NYAP2: variants seen among roughly 807,000 people sequenced by gnomAD.
The protein encoded by NYAP2 is neuronal tyrosine-phosphorylated phosphoinositide-3-kinase adaptor 2.
In NYAP2, 23 loss-of-function variants were observed where a neutral mutation model predicts 50.4. The ratio of observed to expected loss-of-function variants is 0.46; its 90% CI spans 0.33 to 0.65. NYAP2 has a LOEUF of 0.65. Among genes scored for constraint, NYAP2 ranks in the 30% least tolerant of loss-of-function variants. The pLI is 0.02. For missense variants in NYAP2, 885 were observed against 861.0 expected, an observed-to-expected ratio of 1.03 and a Z score of -0.35; for synonymous variants, 394 against 365.2, an observed-to-expected ratio of 1.08 and a Z score of -0.90.
intron 6 of NYAP2, among the ~76,000 whole-genome samples, chr2:225,633,859 C>T (rs768157090): frequency 5.3e-5 from 8 of 152,186 alleles, no homozygotes; most frequent in Non-Finnish European, 1.0e-4. Context: ...TAATTCACTT[C>T]TTTTAGCTGG....
the NYAP2 span, among the ~76,000 whole-genome samples, chr2:225,677,923 C>A: frequency 1.6e-4 from 25 of 152,020 alleles, no homozygotes; most frequent in Non-Finnish European, 2.5e-4. Context: ...ATGAGGCTGA[C>A]TTTTTAGAAT....
At chr2:225,569,509 A>G (rs900998755) in intron 4 of NYAP2, among the ~76,000 whole-genome samples, 1 of 152,148 alleles carries the variant, frequency 6.6e-6, no homozygotes, top group African/African-American at 2.4e-5. Flanking sequence ...ATTTTGGGCT[A>G]TTGACTTCCA....
intron 6 of NYAP2, among the ~76,000 whole-genome samples, chr2:225,647,089 T>C (rs1693648132): frequency 6.6e-6 from 1 of 152,144 alleles, no homozygotes; most frequent in Admixed American, 6.5e-5. Context: ...GATGATAATA[T>C]CTTCAACATA....
exon 6 of NYAP2, chr2:225,626,994 C>G (rs1380210056): frequency 1.9e-6 from 3 of 1,588,778 alleles, no homozygotes; most frequent in Non-Finnish European, 2.6e-6. Flanking sequence ...AAGAGGCCAC[C>G]ATGGGGCGTC....
In NYAP2 at chr2:225,433,816, CAAAAAAAAAAAA is replaced by C. The variant is rs35886164; in HGVS notation, c.221+24728_221+24739del. Among the ~76,000 whole-genome samples the C allele has an allele frequency of 6.5e-3, 406 of 62,522 alleles. 5 individuals carry two copies. Among genetic ancestry groups the C allele is most frequent in the African/African-American group, 0.028 (377 of 13,442 alleles). The allele number at this position is 62,522 out of a possible 152,430, so 41.0% of individuals were successfully genotyped here. ...TGGGCGACAGAGCGAGACTCCGTCT[CAAAAAAAAAAAA>C]AAAAAAAAAAAAGAATTATTAGAGT... On this transcript the variant is annotated intron_variant, in intron 3 of 6. Coordinates refer to ENST00000636099, the Ensembl canonical transcript of NYAP2.
At chr2:225,577,806 ATT>A (rs10595085) in intron 4 of NYAP2, among the ~76,000 whole-genome samples, 456 of 147,708 alleles carry the variant, frequency 3.1e-3, no homozygotes, top group African/African-American at 5.2e-3. Context: ...TGAAAAGCAG[ATT>A]TTTTTTTTTT....
chr2:225,404,991 T>C (rs753888306), intron 2 of NYAP2, among the ~76,000 whole-genome samples: 13 of 152,044 alleles, frequency 8.6e-5, no homozygotes, highest in African/African-American at 1.4e-4. Context: ...GCACACACAG[T>C]GTTGCACTAC....
chr2:225,549,964 A>C (rs1691643602), intron 4 of NYAP2, among the ~76,000 whole-genome samples: 2 of 152,082 alleles, frequency 1.3e-5, no homozygotes, highest in South Asian at 4.2e-4. Context: ...CAGCCTGGGC[A>C]ACAGAGTGAG....
At chr2:225,403,777 C>T (rs1694898947) in intron 2 of NYAP2, among the ~76,000 whole-genome samples, 1 of 151,962 alleles carries the variant, frequency 6.6e-6, no homozygotes, top group Non-Finnish European at 1.5e-5. Context: ...TCAGATGATA[C>T]TAGTACCTAT....
intron 3 of NYAP2, among the ~76,000 whole-genome samples, chr2:225,466,673 A>C (rs772167291): frequency 3.3e-5 from 5 of 152,248 alleles, no homozygotes; most frequent in Non-Finnish European, 7.3e-5. Flanking sequence ...AGCCACTTGC[A>C]TCCAAAAAGT....
At chr2:225,692,085 A>G in the NYAP2 span, among the ~76,000 whole-genome samples, 1 of 152,164 alleles carries the variant, frequency 6.6e-6, no homozygotes, top group Non-Finnish European at 1.5e-5. Context: ...ATTAATTCCA[A>G]GGTTAACAAG....
At chr2:225,665,850 G>T in the NYAP2 span, among the ~76,000 whole-genome samples, 2 of 98,824 alleles carry the variant, frequency 2.0e-5, no homozygotes, top group Non-Finnish European at 3.9e-5. Flanking sequence ...CCACCACCCA[G>T]ATAGACAGGA....
chr2:225,672,307 G>A, the NYAP2 span, among the ~76,000 whole-genome samples: 146 of 152,214 alleles, frequency 9.6e-4, no homozygotes, highest in Middle Eastern at 3.4e-3. Flanking sequence ...TTTATGTTAT[G>A]AAAATGGCTA....
At chr2:225,665,867 T>G in the NYAP2 span, among the ~76,000 whole-genome samples, 1 of 123,312 alleles carries the variant, frequency 8.1e-6, no homozygotes, top group African/African-American at 3.1e-5. Flanking sequence ...AGGAGGTAAG[T>G]GAGGCAAACG....
chr2:225,447,098 A>G (rs1689576030), intron 3 of NYAP2, among the ~76,000 whole-genome samples: 1 of 152,136 alleles, frequency 6.6e-6, no homozygotes, highest in African/African-American at 2.4e-5. Flanking sequence ...TCCTCACCAG[A>G]CTGCTTACCT....
chr2:225,473,369 C>G (rs1690046133), intron 3 of NYAP2, among the ~76,000 whole-genome samples: 1 of 152,160 alleles, frequency 6.6e-6, no homozygotes, highest in Non-Finnish European at 1.5e-5. Context: ...TTCTAGATCC[C>G]TCAGGAATCG....
At chr2:225,439,253 A>G (rs1689433018) in intron 3 of NYAP2, among the ~76,000 whole-genome samples, 1 of 152,198 alleles carries the variant, frequency 6.6e-6, no homozygotes, top group Non-Finnish European at 1.5e-5. Flanking sequence ...GAAAAAATAG[A>G]TCATGGATTC....
At chr2:225,523,334 CA>C (rs796932717) in intron 4 of NYAP2, among the ~76,000 whole-genome samples, 341 of 135,576 alleles carry the variant, frequency 2.5e-3, no homozygotes, top group African/African-American at 6.0e-3. Context: ...AAGATACCAC[CA>C]AAAAAAAAAA....
chr2:225,444,127 T>C (rs1383037359), intron 3 of NYAP2, among the ~76,000 whole-genome samples: 1 of 152,206 alleles, frequency 6.6e-6, no homozygotes, highest in Non-Finnish European at 1.5e-5. Flanking sequence ...AGGCTGAAAC[T>C]GTATAAATTT....
Sources: allele counts gnomAD v4.1 joint callset (sites outside exome capture counted in the v4.1 genomes callset), GRCh38; gene constraint gnomAD v4.1.1; transcripts MANE v1.5; gene names NCBI Gene and HGNC (gene_info 2026-07-23, HGNC 2026-07-21).